ARL6IP6: variants seen among roughly 807,000 people sequenced by gnomAD.
ARL6IP6 encodes the protein ADP-ribosylation factor-like protein 6-interacting protein 6.
A neutral mutation model predicts 21.5 loss-of-function variants in ARL6IP6; 22 were observed. The ratio of observed to expected loss-of-function variants is 1.02; its 90% CI spans 0.73 to 1.46. ARL6IP6 has a LOEUF of 1.46. Among genes scored for constraint, ARL6IP6 ranks in the 40% most tolerant of loss-of-function variants. The probability of loss-of-function intolerance (pLI) is 0.00; values close to 1 mark genes in which losing one functional copy is unlikely to be tolerated. For synonymous variants in ARL6IP6, 164 were observed against 125.3 expected (o/e 1.31, Z -2.06); for missense variants, 388 against 299.8 (o/e 1.29, Z -2.17).
intron 3 of ARL6IP6, among the ~76,000 whole-genome samples, chr2:152,742,653 T>C (rs1700869588): frequency 1.3e-5 from 2 of 152,094 alleles, no homozygotes; most frequent in East Asian, 1.9e-4. Flanking sequence ...GTCCTCTTGA[T>C]TGGGAAAATG....
intron 3 of ARL6IP6, among the ~76,000 whole-genome samples, chr2:152,752,583 G>C (rs1264994803): frequency 5.3e-5 from 8 of 152,224 alleles, no homozygotes; most frequent in African/African-American, 1.9e-4. Flanking sequence ...GCCCGAGCAA[G>C]CGGCTCAAGG....
At chr2:152,735,172 C>G (rs760548123) in intron 3 of ARL6IP6, 46 bp downstream of exon 3, 9 of 1,593,546 alleles carry the variant, frequency 5.6e-6, no homozygotes, top group Non-Finnish European at 5.2e-6. Context: ...CATTTCAACT[C>G]TTGAAAATAC....
chr2:152,755,369 TC>T (rs1236582982), intron 3 of ARL6IP6, among the ~76,000 whole-genome samples: 1 of 151,864 alleles, frequency 6.6e-6, no homozygotes, highest in African/African-American at 2.4e-5. Context: ...GGGCCTGACA[TC>T]CGTCAGGCCC....
At chr2:152,720,306 CAG>C (rs1297172802) in intron 1 of ARL6IP6, 19 of 557,002 alleles carry the variant, frequency 3.4e-5, no homozygotes, top group Non-Finnish European at 6.5e-6. Flanking sequence ...AGGGAATAAA[CAG>C]TACTCTCATC....
intron 3 of ARL6IP6, among the ~76,000 whole-genome samples, chr2:152,739,044 G>T (rs773694570): frequency 2.0e-5 from 3 of 151,198 alleles, no homozygotes; most frequent in African/African-American, 7.3e-5. Flanking sequence ...GTGCAGTGGC[G>T]TGATCTTGGC....
chr2:152,718,915 C>G lies in ARL6IP6; in HGVS notation c.291C>G (p.Ser97Arg). The G allele has an allele frequency of 6.2e-7, 1 of 1,613,948 alleles. No individual in the cohort carries two copies. The highest frequency in any genetic ancestry group is 1.1e-5 in the South Asian group (1 of 91,030). ...RNGIFPAAAG[S>R]RAQPRRWPVQ... ...GTATCTTTCCCGCGGCCGCGGGCAG[C>G]AGAGCCCAGCCTCGGCGGTGGCCGG... The change falls in exon 1 of 4, where the codon AGC becomes AGG. Residue 97 changes from serine to arginine, a missense_variant. Ser to Arg is a moderately radical substitution (Grantham distance 110, BLOSUM62 -1). Coordinates refer to ENST00000326446, the MANE Select transcript of ARL6IP6 (RefSeq NM_152522.7).
intron 3 of ARL6IP6, among the ~76,000 whole-genome samples, chr2:152,757,404 T>C (rs959864749): frequency 6.6e-6 from 1 of 152,086 alleles, no homozygotes; most frequent in Admixed American, 6.5e-5. Flanking sequence ...GTGAAATGCA[T>C]GTATAGATAT....
At chr2:152,719,750 G>GAAAAAAAAAAAAAAAAAAAAAAAAA in intron 1 of ARL6IP6, 1 of 251,228 alleles carries the variant, frequency 4.0e-6, no homozygotes. Flanking sequence ...CCAAGTTACT[G>GAAAAAAAAAAAAAAAAAAAAAAAAA]AAAAAAAAAA....
At chr2:152,735,955 T>G (rs1364100639) in intron 3 of ARL6IP6, among the ~76,000 whole-genome samples, 15 of 152,166 alleles carry the variant, frequency 9.9e-5, no homozygotes, top group Admixed American at 9.8e-4. Context: ...TTGGTACTAC[T>G]GGCCTTCATT....
chr2:152,736,137 A>C (rs560038675), intron 3 of ARL6IP6, among the ~76,000 whole-genome samples: 8 of 152,270 alleles, frequency 5.3e-5, no homozygotes, highest in Non-Finnish European at 8.8e-5. Flanking sequence ...AATTTTAGTT[A>C]TGTGTTTTTG....
chr2:152,756,081 A>G (rs187075676), intron 3 of ARL6IP6, among the ~76,000 whole-genome samples: 1 of 152,282 alleles, frequency 6.6e-6, no homozygotes, highest in Non-Finnish European at 1.5e-5. Flanking sequence ...GTTTTTAATT[A>G]GATGATGTCT....
At chr2:152,744,008 C>T (rs996015876) in intron 3 of ARL6IP6, among the ~76,000 whole-genome samples, 3 of 152,050 alleles carry the variant, frequency 2.0e-5, no homozygotes, top group African/African-American at 7.2e-5. Flanking sequence ...ATTTCTTATC[C>T]TGAATCTTAC....
rs578103305 is a variant in ARL6IP6, at chr2:152,728,659, A to G, written c.455-6335A>G. On this transcript the variant is annotated intron_variant, in intron 2 of 3. Transcript: ENST00000326446. Reference sequence around the variant, plus strand: ...CAAATATACCCTTAGATAGGTGTCTATAATATTCCAGCAAAGGGATTGGGA... The same window carrying G: ...CAAATATACCCTTAGATAGGTGTCTGTAATATTCCAGCAAAGGGATTGGGA... Among the ~76,000 whole-genome samples, 65 of 152,346 alleles carry G rather than the reference A, an allele frequency of 4.3e-4. No individual in the cohort carries two copies. In the South Asian group the frequency reaches 8.5e-3, roughly 20 times the overall value.
At chr2:152,752,514 C>T (rs940694816) in intron 3 of ARL6IP6, among the ~76,000 whole-genome samples, 3 of 152,150 alleles carry the variant, frequency 2.0e-5, no homozygotes, top group Non-Finnish European at 2.9e-5. Context: ...AATACATGAA[C>T]GAAGCAGCGA....
chr2:152,758,236 AGTT>A (rs1245618287), intron 3 of ARL6IP6, among the ~76,000 whole-genome samples: 3 of 152,194 alleles, frequency 2.0e-5, no homozygotes, highest in African/African-American at 7.2e-5. Flanking sequence ...TTATATAAAT[AGTT>A]GTTTTATTGT....
upstream of ARL6IP6, chr2:152,718,220 C>T (rs549575398): frequency 1.9e-5 from 8 of 418,260 alleles, no homozygotes; most frequent in East Asian, 9.5e-4. Context: ...TCCGAGGGCG[C>T]GAGCGGGCGC....
intron 3 of ARL6IP6, among the ~76,000 whole-genome samples, chr2:152,735,849 G>C (rs1408683015): frequency 6.6e-6 from 1 of 151,954 alleles, no homozygotes; most frequent in Non-Finnish European, 1.5e-5. Context: ...TTACTACCAG[G>C]TCTAGCCTAC....
At chr2:152,730,830 A>T (rs1182134604) in intron 2 of ARL6IP6, among the ~76,000 whole-genome samples, 2 of 152,192 alleles carry the variant, frequency 1.3e-5, no homozygotes, top group Admixed American at 1.3e-4. Context: ...CTTACCTACC[A>T]AGATACTGTA....
intron 3 of ARL6IP6, among the ~76,000 whole-genome samples, chr2:152,743,988 A>T (rs898551349): frequency 3.3e-5 from 5 of 152,176 alleles, no homozygotes; most frequent in Non-Finnish European, 7.4e-5. Flanking sequence ...GTTGACTTCT[A>T]TGCTAAGAGA....
Sources: allele counts gnomAD v4.1 joint callset (sites outside exome capture counted in the v4.1 genomes callset), GRCh38; gene constraint gnomAD v4.1.1; transcripts MANE v1.5; gene names NCBI Gene and HGNC (gene_info 2026-07-23, HGNC 2026-07-21).